Variants in IMMP2L observed in about 807,000 individuals in gnomAD.
The protein encoded by IMMP2L is inner mitochondrial membrane peptidase subunit 2, also known as mitochondrial inner membrane protease subunit 2.
In IMMP2L, 18 loss-of-function variants were observed where a neutral mutation model predicts 19.3. The ratio of observed to expected loss-of-function variants is 0.93; its 90% CI spans 0.64 to 1.38. The LOEUF (loss-of-function observed/expected upper bound fraction) is 1.38. IMMP2L is among the 40% of genes most tolerant of loss of function. The probability of loss-of-function intolerance (pLI) is 0.00; values close to 1 mark genes in which losing one functional copy is unlikely to be tolerated. For missense variants in IMMP2L, 233 were observed against 218.2 expected (o/e 1.07, Z -0.43); for synonymous variants, 76 against 73.0 (o/e 1.04, Z -0.21).
chr7:111,107,798 A>G (rs1798715657), intron 3 of IMMP2L, among the ~76,000 whole-genome samples: 2 of 152,116 alleles, frequency 1.3e-5, no homozygotes, highest in Admixed American at 1.3e-4. Flanking sequence ...CTGTTGCAAC[A>G]TTTCAAAGCT....
chr7:111,412,744 G>A (rs1180236018), intron 3 of IMMP2L, among the ~76,000 whole-genome samples: 1 of 151,714 alleles, frequency 6.6e-6, no homozygotes, highest in African/African-American at 2.4e-5. Context: ...ATCTGGGGAT[G>A]GGAGACAGAA....
rs547490655 is a variant in IMMP2L, at chr7:110,995,203, C to T, written c.240-31638G>A. 5.0e-4 allele frequency among the ~76,000 whole-genome samples: 76 copies of T among 152,058 alleles called. 1 individual carries two copies. Among genetic ancestry groups the T allele is most frequent in the African/African-American group, 1.8e-3 (73 of 41,506 alleles). On this transcript the variant is annotated intron_variant, in intron 3 of 5. Transcript: ENST00000405709. ...ATGCAGACTGGCATGAAGTAAGAAC[C>T]TTACGGGCTCCGTTAAAGTGAAGAA...
intron 5 of IMMP2L, among the ~76,000 whole-genome samples, chr7:110,811,740 T>C: frequency 6.6e-6 from 1 of 152,064 alleles, no homozygotes; most frequent in East Asian, 1.9e-4. Flanking sequence ...ATGTGCTGTA[T>C]TTATTGCCTG....
At chr7:110,984,053 G>A (rs1821587622) in intron 3 of IMMP2L, among the ~76,000 whole-genome samples, 1 of 151,764 alleles carries the variant, frequency 6.6e-6, no homozygotes, top group Non-Finnish European at 1.5e-5. Context: ...AAGGGATTTG[G>A]ATATGATTCA....
At chr7:110,986,839 T>G (rs1453988266) in intron 3 of IMMP2L, among the ~76,000 whole-genome samples, 1 of 147,856 alleles carries the variant, frequency 6.8e-6, no homozygotes, top group Non-Finnish European at 1.5e-5. Context: ...AAAAAAAAAA[T>G]CTCTACTTCA....
chr7:111,035,743 T>A (rs1791279217), intron 3 of IMMP2L, among the ~76,000 whole-genome samples: 1 of 152,204 alleles, frequency 6.6e-6, no homozygotes, highest in Non-Finnish European at 1.5e-5. Flanking sequence ...ATTACTAGAT[T>A]ATTTATTTTT....
At chr7:111,550,368 A>G (rs1849337875) in intron 1 of IMMP2L, among the ~76,000 whole-genome samples, 1 of 152,200 alleles carries the variant, frequency 6.6e-6, no homozygotes, top group Admixed American at 6.5e-5. Context: ...TACTATAAGC[A>G]TACATACATG....
chr7:111,357,902 A>C (rs1016660683), intron 3 of IMMP2L, among the ~76,000 whole-genome samples: 2 of 151,798 alleles, frequency 1.3e-5, no homozygotes, highest in African/African-American at 2.4e-5. Flanking sequence ...CCAGCTTTGG[A>C]ATTACTGCTA....
chr7:110,692,806 T>C (rs930313166), intron 5 of IMMP2L, among the ~76,000 whole-genome samples: 3 of 152,106 alleles, frequency 2.0e-5, no homozygotes, highest in African/African-American at 4.8e-5. Flanking sequence ...AGGCAGGAGA[T>C]TGTATTAGAT....
intron 3 of IMMP2L, among the ~76,000 whole-genome samples, chr7:111,004,871 G>C (rs1391703496): frequency 6.6e-6 from 1 of 151,946 alleles, no homozygotes; most frequent in Non-Finnish European, 1.5e-5. Context: ...AAAATAAAAG[G>C]TAGATTTTGA....
chr7:111,526,940 C>T (rs2613594), intron 1 of IMMP2L, among the ~76,000 whole-genome samples: 3,079 of 152,160 alleles, frequency 0.02, 107 homozygotes, highest in African/African-American at 0.07. Flanking sequence ...AAGGGGGAAA[C>T]ATTAATAAAA....
chr7:111,157,851 T>C (rs1345598495), intron 3 of IMMP2L, among the ~76,000 whole-genome samples: 1 of 151,908 alleles, frequency 6.6e-6, no homozygotes, highest in Non-Finnish European at 1.5e-5. Context: ...TAAATATATA[T>C]ACCTACTATA....
chr7:110,703,941 G>C (rs1415658751), intron 5 of IMMP2L, among the ~76,000 whole-genome samples: 1 of 151,856 alleles, frequency 6.6e-6, no homozygotes, highest in Non-Finnish European at 1.5e-5. Flanking sequence ...CACCTCCCGG[G>C]TTCATGCCAT....
At chr7:110,979,645 A>G (rs941856466) in intron 3 of IMMP2L, among the ~76,000 whole-genome samples, 2 of 152,092 alleles carry the variant, frequency 1.3e-5, no homozygotes, top group African/African-American at 2.4e-5. Context: ...AACTTAAAGT[A>G]TAATGAAAGA....
intron 3 of IMMP2L, among the ~76,000 whole-genome samples, chr7:111,287,068 C>A (rs749531330): frequency 1.3e-5 from 2 of 152,132 alleles, no homozygotes; most frequent in African/African-American, 4.8e-5. Context: ...ATCAGAGGAT[C>A]TCTGCAATTG....
chr7:111,277,626 G>A (rs924812424), intron 3 of IMMP2L, among the ~76,000 whole-genome samples: 9 of 150,908 alleles, frequency 6.0e-5, no homozygotes, highest in African/African-American at 1.7e-4. Flanking sequence ...AGCAGAAAAG[G>A]GAACGCTTGT....
At chr7:110,830,393 T>TA (rs909708879) in intron 5 of IMMP2L, among the ~76,000 whole-genome samples, 61 of 150,304 alleles carry the variant, frequency 4.1e-4, no homozygotes, top group African/African-American at 1.2e-3. Flanking sequence ...GGTTTGTTTC[T>TA]AAAAAAAAAC....
intron 3 of IMMP2L, among the ~76,000 whole-genome samples, chr7:111,150,182 T>C (rs1803920169): frequency 6.6e-6 from 1 of 152,180 alleles, no homozygotes; most frequent in Non-Finnish European, 1.5e-5. Context: ...CAATTTGACA[T>C]AGGGGTTGAC....
rs549869492 is a variant in IMMP2L, at chr7:111,415,229, T to C, written c.239+72009A>G. Among the ~76,000 whole-genome samples the C allele has an allele frequency of 7.9e-5, 12 of 151,578 alleles. 1 individual carries two copies. The highest frequency in any genetic ancestry group is 2.9e-4 in the African/African-American group (12 of 41,082). ...GGGGACCTCTAGAGACCGAGAGCAG[T>C]CTCCAGACAAGAGCTAGCAAGAAAA... On this transcript the variant is annotated intron_variant, in intron 3 of 5. Transcript: ENST00000405709.
Sources: gnomAD v4.1 joint callset for allele counts (sites outside exome capture counted in the v4.1 genomes callset) on GRCh38, gnomAD v4.1.1 for gene constraint, MANE v1.5 for transcripts, NCBI Gene and HGNC (gene_info 2026-07-23, HGNC 2026-07-21) for gene names.